The following MTCL1 variants were observed in gnomAD, a reference collection of about 807,000 sequenced individuals.
The protein encoded by MTCL1 is microtubule crosslinking factor 1.
In MTCL1, 79 loss-of-function variants were observed where a neutral mutation model predicts 141.4. That is an observed-to-expected ratio of 0.56 (90% CI 0.47 to 0.67). The LOEUF (loss-of-function observed/expected upper bound fraction) is 0.67. Ranked by LOEUF, MTCL1 falls within the 30% of genes least tolerant of loss-of-function variation. The probability of loss-of-function intolerance (pLI) is 0.00; values close to 1 mark genes in which losing one functional copy is unlikely to be tolerated. For synonymous variants in MTCL1, 914 were observed against 875.8 expected (o/e 1.04, Z -0.77); for missense variants, 2,177 against 2,113.9 (o/e 1.03, Z -0.59).
chr18:8,722,096 C>T (rs2096177125), intron 4 of MTCL1, among the ~76,000 whole-genome samples: 1 of 151,998 alleles, frequency 6.6e-6, no homozygotes, highest in Admixed American at 6.6e-5. Context: ...AGGATCTCTG[C>T]CTCAATTAAA....
chr18:8,818,545 A>G lies in MTCL1; in HGVS notation c.2860-418A>G, dbSNP rs145744038. 2.2e-3 allele frequency among the ~76,000 whole-genome samples: 330 copies of G among 152,352 alleles called. 2 individuals carry two copies. Among genetic ancestry groups the G allele is most frequent in the African/African-American group, 7.7e-3 (319 of 41,592 alleles). On this transcript the variant is annotated intron_variant, in intron 12 of 16. Transcript: ENST00000359865. Reference sequence around the variant, plus strand: ...TCAGATTCACACTCAGAAGTTTGCTATCACTGATAGTATTCCACTGAGTAT... The same window carrying G: ...TCAGATTCACACTCAGAAGTTTGCTGTCACTGATAGTATTCCACTGAGTAT...
intron 4 of MTCL1, among the ~76,000 whole-genome samples, chr18:8,755,623 C>T (rs16954094): frequency 0.066 from 10,008 of 152,222 alleles, 1,121 homozygotes; most frequent in African/African-American, 0.23. Context: ...CCCAGGAGAA[C>T]CTGACCTATT....
At position 8,728,720 on chromosome 18, in the gene MTCL1, C is replaced by CTTTT. The variant is rs34524200; in HGVS notation, c.357+8249_357+8252dup. Among the ~76,000 whole-genome samples, 181 of 59,086 alleles carry CTTTT rather than the reference C, an allele frequency of 3.1e-3. 30 individuals carry two copies. Among genetic ancestry groups the CTTTT allele is most frequent in the East Asian group, 0.02 (36 of 1,800 alleles). The allele number at this position is 59,086 out of a possible 152,430, so 38.8% of individuals were successfully genotyped here. A position where few individuals can be genotyped will look rare whatever the true frequency, so the allele number is the denominator to read the frequency against. On this transcript the variant is annotated intron_variant, in intron 4 of 16. Coordinates refer to ENST00000359865, the Ensembl canonical transcript of MTCL1. The stretch of plus-strand genomic sequence containing the variant: ...GTGGGGCCTTCTTATGTTGTCCATT[C>CTTTT]TTTTTTTTTTTTTTTTTTTTTTTTT...
intron 4 of MTCL1, among the ~76,000 whole-genome samples, chr18:8,740,903 G>C (rs1313295479): frequency 6.6e-6 from 1 of 152,238 alleles, no homozygotes; most frequent in African/African-American, 2.4e-5. Context: ...CAGCACCTGG[G>C]ATGTCCTAGT....
chr18:8,750,254 C>T (rs1262079204), intron 4 of MTCL1, among the ~76,000 whole-genome samples: 1 of 152,156 alleles, frequency 6.6e-6, no homozygotes, highest in Non-Finnish European at 1.5e-5. Context: ...CCATGTTGGC[C>T]AGGCTGGTCT....
intron 4 of MTCL1, among the ~76,000 whole-genome samples, chr18:8,764,295 T>A (rs1198796012): frequency 6.6e-6 from 1 of 152,042 alleles, no homozygotes; most frequent in African/African-American, 2.4e-5. Flanking sequence ...AAAGAATGCT[T>A]TATATAAGGA....
intron 4 of MTCL1, among the ~76,000 whole-genome samples, chr18:8,723,834 T>A (rs576254892): frequency 6.6e-6 from 1 of 152,322 alleles, no homozygotes; most frequent in East Asian, 1.9e-4. Context: ...TAGACATTTC[T>A]TTCTCACTGA....
chr18:8,737,352 A>G (rs2096279682), intron 4 of MTCL1, among the ~76,000 whole-genome samples: 1 of 152,246 alleles, frequency 6.6e-6, no homozygotes, highest in African/African-American at 2.4e-5. Flanking sequence ...ATGGGTTTAG[A>G]GAAAGCATTA....
At chr18:8,742,396 C>T (rs558263050) in intron 4 of MTCL1, among the ~76,000 whole-genome samples, 1 of 152,296 alleles carries the variant, frequency 6.6e-6, no homozygotes, top group South Asian at 2.1e-4. Flanking sequence ...GTTTAATTGA[C>T]TCACAGTTCC....
At chr18:8,798,682 T>C (rs1290403666) in intron 10 of MTCL1, among the ~76,000 whole-genome samples, 2 of 152,140 alleles carry the variant, frequency 1.3e-5, no homozygotes, top group Non-Finnish European at 2.9e-5. Context: ...ATGGACAAAA[T>C]ATTTCAAGTT....
intron 4 of MTCL1, among the ~76,000 whole-genome samples, chr18:8,747,051 T>A (rs1217496696): frequency 6.6e-6 from 1 of 152,152 alleles, no homozygotes; most frequent in South Asian, 2.1e-4. Flanking sequence ...CCTTCCGATG[T>A]CCTGTGTTGG....
At chr18:8,764,726 A>G (rs2096451351) in intron 4 of MTCL1, among the ~76,000 whole-genome samples, 1 of 151,828 alleles carries the variant, frequency 6.6e-6, no homozygotes, top group Admixed American at 6.6e-5. Context: ...TTTCCCTTTT[A>G]CCCACGTAGC....
chr18:8,808,455 C>A (rs565963542), intron 11 of MTCL1, among the ~76,000 whole-genome samples: 4 of 152,268 alleles, frequency 2.6e-5, no homozygotes, highest in Middle Eastern at 6.8e-3. Context: ...CAAATAAACC[C>A]TCAGGGAGAG....
At chr18:8,808,172 T>C (rs1430061516) in intron 11 of MTCL1, among the ~76,000 whole-genome samples, 2 of 152,196 alleles carry the variant, frequency 1.3e-5, no homozygotes, top group African/African-American at 2.4e-5. Flanking sequence ...TGATTGTGGC[T>C]CCTGCCTGCT....
intron 8 of MTCL1, 69 bp downstream of exon 7, chr18:8,793,189 G>C: frequency 6.3e-7 from 1 of 1,588,112 alleles, no homozygotes; most frequent in Non-Finnish European, 8.6e-7. Flanking sequence ...GAAATGCCAC[G>C]ATACATTTTC....
At position 8,725,776 on chromosome 18, in the gene MTCL1, CTTTTTTTTTTTTTCT is replaced by C. The variant is rs1402443484; in HGVS notation, c.357+5294_357+5308del. Among the ~76,000 whole-genome samples, 172 of 111,014 alleles carry C rather than the reference CTTTTTTTTTTTTTCT, an allele frequency of 1.5e-3. 3 individuals are homozygous for C. The highest frequency in any genetic ancestry group is 6.0e-3 in the African/African-American group (161 of 27,052). 72.8% of individuals were successfully genotyped at this position (111,014 alleles called of 152,430 possible). A position where few individuals can be genotyped will look rare whatever the true frequency, so the allele number is the denominator to read the frequency against. On this transcript the variant is annotated intron_variant, in intron 4 of 16. Transcript: ENST00000359865. The stretch of plus-strand genomic sequence containing the variant: ...GCGTTATGTATTTTGGTGCCATTTT[CTTTTTTTTTTTTTCT>C]TTTTTTTTTTTTTTTTGAGATGGAG...
chr18:8,761,030 C>A lies in MTCL1; in HGVS notation c.358-16803C>A, dbSNP rs142570766. On this transcript the variant is annotated intron_variant, in intron 4 of 16. Coordinates refer to ENST00000359865, the Ensembl canonical transcript of MTCL1. ...TCACCATTTTTTTAAAAAGTAAGGT[C>A]TTTGGAGAAAAAACTTGCTAAAGCT... Among the ~76,000 whole-genome samples, 23 of 152,168 alleles carry A rather than the reference C, an allele frequency of 1.5e-4. 1 individual carries two copies. In the East Asian group the frequency reaches 4.4e-3, roughly 29 times the overall value.
At chr18:8,710,544 A>G (rs1481934288) in intron 1 of MTCL1, among the ~76,000 whole-genome samples, 4 of 150,530 alleles carry the variant, frequency 2.7e-5, no homozygotes, top group Non-Finnish European at 4.4e-5. Flanking sequence ...TAGAAACAAA[A>G]CTGTTGAAAG....
chr18:8,720,494 G>C (rs759617515), exon 4 of MTCL1: 1 of 1,613,770 alleles, frequency 6.2e-7, no homozygotes. Context: ...GAGACTGAAA[G>C]AGGTAATCCA....
Sources: gnomAD v4.1 joint callset for allele counts (sites outside exome capture counted in the v4.1 genomes callset) on GRCh38, gnomAD v4.1.1 for gene constraint, MANE v1.5 for transcripts, NCBI Gene and HGNC (gene_info 2026-07-23, HGNC 2026-07-21) for gene names.